CSMD3: variants seen among roughly 807,000 people sequenced by gnomAD.
The protein encoded by CSMD3 is CUB and Sushi multiple domains 3.
CSMD3 carries 177 observed loss-of-function variants against 435.2 expected under a neutral mutation model. That is an observed-to-expected ratio of 0.41 (90% CI 0.36 to 0.46). The LOEUF is 0.46. Ranked by LOEUF, CSMD3 falls within the 20% of genes least tolerant of loss-of-function variation. The probability of loss-of-function intolerance (pLI) is 0.34; values close to 1 mark genes in which losing one functional copy is unlikely to be tolerated. For missense variants in CSMD3, 4,265 were observed against 4,504.6 expected (o/e 0.95, Z 1.52); for synonymous variants, 1,656 against 1,520.5 (o/e 1.09, Z -2.07).
chr8:113,016,456 G>A (rs1188415108), intron 6 of CSMD3, among the ~76,000 whole-genome samples: 1 of 151,776 alleles, frequency 6.6e-6, no homozygotes, highest in Admixed American at 6.6e-5. Flanking sequence ...ATAAAAAATA[G>A]CTAATGGCAT....
chr8:113,006,810 G>A (rs916083435), intron 6 of CSMD3, among the ~76,000 whole-genome samples: 7 of 151,794 alleles, frequency 4.6e-5, no homozygotes, highest in Admixed American at 2.0e-4. Context: ...GGACTAATTC[G>A]GGCAAGTGTC....
chr8:112,605,060 C>T (rs566987650), intron 22 of CSMD3, among the ~76,000 whole-genome samples: 5 of 152,152 alleles, frequency 3.3e-5, no homozygotes, highest in African/African-American at 1.2e-4. Context: ...TAGAGAAATA[C>T]AAATCAAAAC....
At chr8:112,320,582 T>C (rs565850225) in intron 45 of CSMD3, among the ~76,000 whole-genome samples, 2 of 152,072 alleles carry the variant, frequency 1.3e-5, no homozygotes, top group Admixed American at 1.3e-4. Flanking sequence ...GTTGGTGTGC[T>C]GCACCCATTA....
intron 3 of CSMD3, among the ~76,000 whole-genome samples, chr8:113,274,547 T>A (rs1351485592): frequency 6.6e-6 from 1 of 152,096 alleles, no homozygotes; most frequent in Non-Finnish European, 1.5e-5. Flanking sequence ...AGTATTGGTG[T>A]GCAATTACAG....
intron 22 of CSMD3, among the ~76,000 whole-genome samples, chr8:112,589,719 C>T (rs1455413701): frequency 6.6e-6 from 1 of 152,068 alleles, no homozygotes; most frequent in Non-Finnish European, 1.5e-5. Context: ...GAACAGCTAA[C>T]CACAAGAGAG....
At chr8:112,869,610 T>C (rs2081074932) in intron 10 of CSMD3, among the ~76,000 whole-genome samples, 1 of 152,144 alleles carries the variant, frequency 6.6e-6, no homozygotes, top group Admixed American at 6.5e-5. Flanking sequence ...CTATTTGCAA[T>C]AGCAAAGACT....
intron 9 of CSMD3, among the ~76,000 whole-genome samples, chr8:112,931,025 CACTGAG>C (rs1460657165): frequency 2.0e-5 from 3 of 151,778 alleles, no homozygotes; most frequent in Admixed American, 2.0e-4. Flanking sequence ...TATTATAGTC[CACTGAG>C]AAAAATTTTG....
At chr8:112,505,370 A>G (rs1230468217) in intron 29 of CSMD3, among the ~76,000 whole-genome samples, 3 of 152,136 alleles carry the variant, frequency 2.0e-5, no homozygotes, top group African/African-American at 7.2e-5. Flanking sequence ...TTCATTACTT[A>G]TTACCCTTGT....
intron 4 of CSMD3, among the ~76,000 whole-genome samples, chr8:113,155,311 A>T (rs1021186286): frequency 6.6e-6 from 1 of 152,030 alleles, no homozygotes; most frequent in African/African-American, 2.4e-5. Context: ...TCACAGGGCA[A>T]CTGCAACAAG....
chr8:112,986,387 A>G (rs1244976414), intron 6 of CSMD3, among the ~76,000 whole-genome samples: 2 of 152,126 alleles, frequency 1.3e-5, no homozygotes, highest in Non-Finnish European at 2.9e-5. Flanking sequence ...GTATTATTTG[A>G]TTGATCCTGT....
intron 17 of CSMD3, among the ~76,000 whole-genome samples, chr8:112,663,636 T>TA (rs535140221): frequency 0.045 from 6,624 of 148,556 alleles, 229 homozygotes; most frequent in African/African-American, 0.088. Context: ...TAAAGTATAA[T>TA]AAAAAAAAAA....
At chr8:112,858,450 A>G (rs563020019) in intron 11 of CSMD3, among the ~76,000 whole-genome samples, 1 of 151,914 alleles carries the variant, frequency 6.6e-6, no homozygotes, top group East Asian at 1.9e-4. Flanking sequence ...TGAAGATTTG[A>G]GAGAAATGAT....
At chr8:113,061,350 C>A (rs2088603901) in intron 5 of CSMD3, among the ~76,000 whole-genome samples, 1 of 151,944 alleles carries the variant, frequency 6.6e-6, no homozygotes, top group Non-Finnish European at 1.5e-5. Flanking sequence ...GAATTATTGT[C>A]CACATGAATA....
chr8:113,035,486 G>A (rs149066009), intron 5 of CSMD3, among the ~76,000 whole-genome samples: 204 of 152,054 alleles, frequency 1.3e-3, no homozygotes, highest in Non-Finnish European at 2.6e-3. Context: ...GCTGAGGGCT[G>A]GAGGTAATGA....
At chr8:113,252,489 CT>C (rs2093343519) in intron 3 of CSMD3, among the ~76,000 whole-genome samples, 1 of 151,910 alleles carries the variant, frequency 6.6e-6, no homozygotes, top group Non-Finnish European at 1.5e-5. Context: ...CAATCTTCTC[CT>C]TTAGAAAACT....
At chr8:113,326,735 C>G (rs1342820080) in intron 1 of CSMD3, among the ~76,000 whole-genome samples, 1 of 152,078 alleles carries the variant, frequency 6.6e-6, no homozygotes, top group Non-Finnish European at 1.5e-5. Context: ...CTGTGTCCTT[C>G]TGATTTTATT....
chr8:112,324,042 C>A (rs1334201781), intron 45 of CSMD3, among the ~76,000 whole-genome samples: 3 of 152,140 alleles, frequency 2.0e-5, no homozygotes, highest in African/African-American at 7.2e-5. Flanking sequence ...TTTTGAATAT[C>A]ATTTTGTTGC....
At chr8:112,239,412 T>C (rs1269226299) in intron 66 of CSMD3, among the ~76,000 whole-genome samples, 1 of 152,074 alleles carries the variant, frequency 6.6e-6, no homozygotes, top group Non-Finnish European at 1.5e-5. Flanking sequence ...GGGCCTGAAA[T>C]TTTTCTCCCT....
chr8:112,580,726 C>A (rs1830280332), intron 23 of CSMD3, among the ~76,000 whole-genome samples: 1 of 151,998 alleles, frequency 6.6e-6, no homozygotes, highest in Non-Finnish European at 1.5e-5. Context: ...TAGGATCCAG[C>A]AGTGGATGCC....
Sources: gnomAD v4.1 joint callset for allele counts (sites outside exome capture counted in the v4.1 genomes callset) on GRCh38, gnomAD v4.1.1 for gene constraint, MANE v1.5 for transcripts, NCBI Gene and HGNC (gene_info 2026-07-23, HGNC 2026-07-21) for gene names.